SEC14L1: variants seen among roughly 807,000 people sequenced by gnomAD.
SEC14L1 encodes SEC14 like lipid binding 1.
In SEC14L1, 48 loss-of-function variants were observed where a neutral mutation model predicts 85.3. The ratio of observed to expected loss-of-function variants is 0.56; its 90% CI spans 0.45 to 0.72. The LOEUF (loss-of-function observed/expected upper bound fraction) is 0.72. Ranked by LOEUF, SEC14L1 falls within the 30% of genes least tolerant of loss-of-function variation. The probability of loss-of-function intolerance (pLI) is 0.00; values close to 1 mark genes in which losing one functional copy is unlikely to be tolerated. For synonymous variants in SEC14L1, 391 were observed against 355.5 expected, an observed-to-expected ratio of 1.10 and a Z score of -1.12; for missense variants, 682 against 921.4, an observed-to-expected ratio of 0.74 and a Z score of 3.36.
chr17:77,210,599 G>A (rs1480022637), intron 14 of SEC14L1: 1 of 152,208 alleles, frequency 6.6e-6, no homozygotes, highest in Admixed American at 6.5e-5. Context: ...GGTGGATAAG[G>A]GAATGCTGTT....
intron 3 of SEC14L1, among the ~76,000 whole-genome samples, chr17:77,167,146 C>CTTT (rs72037954): frequency 2.2e-5 from 3 of 134,600 alleles, no homozygotes; most frequent in East Asian, 2.2e-4. Flanking sequence ...TTTCTTTTTC[C>CTTT]TTTTTTTTTT....
At chr17:77,127,668 C>T (rs915135788) in intron 3 of SEC14L1, among the ~76,000 whole-genome samples, 1 of 152,022 alleles carries the variant, frequency 6.6e-6, no homozygotes, top group Non-Finnish European at 1.5e-5. Context: ...TTTTTTCTAA[C>T]CAGCTGTAGA....
Position 77,151,873 on chromosome 17 carries a change from A to G in SEC14L1, c.63+8214A>G, listed in dbSNP as rs1973575690. Reference sequence around the variant, plus strand: ...ACAAACTCTTGCCAATATTTTTATCAGTTGTACCCACTTTTTTCTTTCCTG... The same window carrying G: ...ACAAACTCTTGCCAATATTTTTATCGGTTGTACCCACTTTTTTCTTTCCTG... On this transcript the variant is annotated intron_variant, in intron 3 of 16. Transcript: ENST00000436233. Among the ~76,000 whole-genome samples, 4 of 152,176 alleles carry G rather than the reference A, an allele frequency of 2.6e-5. No homozygotes were observed. The South Asian group carries it at 8.3e-4, about 31-fold the overall frequency.
intron 3 of SEC14L1, among the ~76,000 whole-genome samples, chr17:77,104,430 C>CTAT (rs1971857730): frequency 7.4e-6 from 1 of 135,988 alleles, no homozygotes; most frequent in Non-Finnish European, 1.6e-5. Flanking sequence ...CTTGTGTTTA[C>CTAT]TTTTTTTTTT....
Position 77,183,853 on chromosome 17 carries a change from G to A in SEC14L1, c.64-6950G>A, listed in dbSNP as rs79214518. Among the ~76,000 whole-genome samples, 18 of 151,202 alleles carry A rather than the reference G, an allele frequency of 1.2e-4. No homozygotes were observed. In the East Asian group the frequency reaches 1.7e-3, roughly 15 times the overall value. On this transcript the variant is annotated intron_variant, in intron 3 of 16. Coordinates refer to ENST00000436233, the MANE Select transcript of SEC14L1 (RefSeq NM_001143998.2). ...CTGACATTTTTTTTTTCGTTTAAGC[G>A]TCTAGGGTGGTTGTGTAGACTGTTC...
At chr17:77,208,459 C>T (rs1976578103) in intron 13 of SEC14L1, among the ~76,000 whole-genome samples, 1 of 152,112 alleles carries the variant, frequency 6.6e-6, no homozygotes, top group South Asian at 2.1e-4. Context: ...TGTCACATGC[C>T]GACCTCCGTA....
chr17:77,129,753 G>C (rs1175834052), intron 3 of SEC14L1, among the ~76,000 whole-genome samples: 1 of 152,158 alleles, frequency 6.6e-6, no homozygotes. Flanking sequence ...GAGGCTGCTT[G>C]ACTGTTTATT....
chr17:77,188,960 A>C (rs1420547162), intron 3 of SEC14L1, among the ~76,000 whole-genome samples: 6 of 147,444 alleles, frequency 4.1e-5, no homozygotes, highest in African/African-American at 1.5e-4. Flanking sequence ...TCTCTTGCAC[A>C]TTTTCTAATT....
intron 3 of SEC14L1, among the ~76,000 whole-genome samples, chr17:77,147,516 A>G (rs747195844): frequency 1.8e-4 from 27 of 152,176 alleles, no homozygotes; most frequent in Non-Finnish European, 3.1e-4. Context: ...CAGAGCTTTC[A>G]GCGAGTTGGA....
chr17:77,127,570 G>A (rs899825846), intron 3 of SEC14L1, among the ~76,000 whole-genome samples: 6 of 152,008 alleles, frequency 3.9e-5, no homozygotes, highest in Admixed American at 1.3e-4. Flanking sequence ...GGCTGGTCTC[G>A]AACTTCCGAC....
chr17:77,216,250 G>A lies in SEC14L1; in HGVS notation c.*2227G>A. 5 of 1,162,068 alleles carry A rather than the reference G, an allele frequency of 4.3e-6. No individual in the cohort carries two copies. In the South Asian group the frequency reaches 6.5e-5, roughly 15 times the overall value. The allele number at this position is 1,162,068 out of a possible 1,614,324, so 72.0% of individuals were successfully genotyped here. On this transcript the variant is annotated 3_prime_UTR_variant, in exon 17 of 17. Transcript: ENST00000436233. ...TTCGTAGGTAGGGTTCGTAGGTAGG[G>A]TTCGTAGGTAGGGTTCGTAGGTAGG... is the stretch of plus-strand genomic sequence containing the variant.
chr17:77,193,608 CT>C lies in SEC14L1; in HGVS notation c.474+64del, dbSNP rs1325125406. 4 of 1,543,722 alleles carry C rather than the reference CT, an allele frequency of 2.6e-6. No homozygotes were observed. The East Asian group carries it at 6.8e-5, about 26-fold the overall frequency. On this transcript the variant is annotated intron_variant, in intron 6 of 16. Transcript: ENST00000436233. ...GGGCAGGAGTCTCTGAGATGACCATCTTTTTGGAAGGCTGGGGATGGCTTAG... is the reference window on the plus strand; with the variant it reads ...GGGCAGGAGTCTCTGAGATGACCATCTTTTGGAAGGCTGGGGATGGCTTAG...
intron 10 of SEC14L1, 44 bp downstream of exon 10, chr17:77,203,702 CT>C: frequency 2.0e-6 from 3 of 1,478,620 alleles, no homozygotes; most frequent in Non-Finnish European, 1.9e-6. Flanking sequence ...TGTGGCGTCA[CT>C]TTTTTTCTCT....
At chr17:77,130,720 A>G (rs1423342899) in intron 3 of SEC14L1, among the ~76,000 whole-genome samples, 3 of 152,286 alleles carry the variant, frequency 2.0e-5, no homozygotes, top group East Asian at 3.9e-4. Flanking sequence ...CCCGGGGTCA[A>G]GTGAGCCTCC....
chr17:77,101,061 A>AG (rs924987957), intron 3 of SEC14L1, among the ~76,000 whole-genome samples: 11 of 152,212 alleles, frequency 7.2e-5, no homozygotes, highest in Non-Finnish European at 7.3e-5. Context: ...CTGGTTTCCC[A>AG]GAAAACTCCT....
chr17:77,097,337 G>A (rs980452139), intron 3 of SEC14L1, among the ~76,000 whole-genome samples: 18 of 151,914 alleles, frequency 1.2e-4, no homozygotes, highest in East Asian at 3.9e-4. Context: ...AGGCCGAGGC[G>A]GGCGGATCAC....
intron 3 of SEC14L1, among the ~76,000 whole-genome samples, chr17:77,161,717 T>TTTTC (rs1342724104): frequency 6.9e-6 from 1 of 145,276 alleles, no homozygotes; most frequent in Non-Finnish European, 1.5e-5. Flanking sequence ...TGGTTCTTTT[T>TTTTC]TTTTTTTTTT....
intron 3 of SEC14L1, among the ~76,000 whole-genome samples, chr17:77,149,929 G>A (rs1973482142): frequency 1.3e-5 from 2 of 151,090 alleles, no homozygotes; most frequent in African/African-American, 4.9e-5. Flanking sequence ...GGCAGTTTAA[G>A]TGGTGTGCTT....
intron 3 of SEC14L1, among the ~76,000 whole-genome samples, chr17:77,124,713 G>A (rs910642676): frequency 2.2e-4 from 34 of 152,306 alleles, no homozygotes; most frequent in African/African-American, 7.7e-4. Flanking sequence ...GTTGGAGTGA[G>A]TGAGGCCATT....
Sources: allele counts gnomAD v4.1 joint callset (sites outside exome capture counted in the v4.1 genomes callset), GRCh38; gene constraint gnomAD v4.1.1; transcripts MANE v1.5; gene names NCBI Gene and HGNC (gene_info 2026-07-23, HGNC 2026-07-21).